The following SMOC1 variants were observed in gnomAD, a reference collection of about 807,000 sequenced individuals.
The protein encoded by SMOC1 is SPARC-related modular calcium-binding protein 1.
Under a neutral mutation model 56.3 loss-of-function variants are expected in SMOC1, and 22 were observed. The observed-to-expected ratio is 0.39, with a 90% CI of 0.28 to 0.56. The LOEUF (loss-of-function observed/expected upper bound fraction) is 0.56. Among genes scored for constraint, SMOC1 ranks in the 20% least tolerant of loss-of-function variants. SMOC1 has a pLI of 0.61. For missense variants in SMOC1, 509 were observed against 565.4 expected, an observed-to-expected ratio of 0.90 and a Z score of 1.01; for synonymous variants, 193 against 215.0, an observed-to-expected ratio of 0.90 and a Z score of 0.89.
chr14:69,952,392 T>A lies in SMOC1; in HGVS notation c.265+89T>A, dbSNP rs73289071. On this transcript the variant is annotated intron_variant, in intron 2 of 11. Coordinates refer to ENST00000361956, the MANE Select transcript of SMOC1 (RefSeq NM_001034852.3). ...GCATTTGCAACAGGGAAGCTTGGAG[T>A]AAGTCTGTCCACTCACTTTGCTTTC... is the stretch of plus-strand genomic sequence containing the variant. The A allele has an allele frequency of 9.3e-4, 1,395 of 1,506,972 alleles. 11 individuals carry two copies. The African/African-American group carries it at 0.017, about 19-fold the overall frequency. The allele number at this position is 1,506,972 out of a possible 1,614,324, so 93.4% of individuals were successfully genotyped here.
chr14:69,945,219 C>T (rs918509019), intron 1 of SMOC1, among the ~76,000 whole-genome samples: 9 of 152,036 alleles, frequency 5.9e-5, no homozygotes, highest in African/African-American at 1.2e-4. Flanking sequence ...CTTTTATAGA[C>T]GTGTAAATAG....
intron 1 of SMOC1, among the ~76,000 whole-genome samples, chr14:69,887,918 G>A (rs1028218059): frequency 6.6e-6 from 1 of 152,184 alleles, no homozygotes; most frequent in Non-Finnish European, 1.5e-5. Context: ...TTTGATGCCT[G>A]TCTTTATTCC....
At chr14:70,022,732 G>A (rs1885774805) in intron 10 of SMOC1, among the ~76,000 whole-genome samples, 1 of 152,180 alleles carries the variant, frequency 6.6e-6, no homozygotes, top group Non-Finnish European at 1.5e-5. Context: ...CACCCTCCAG[G>A]GCCCAGACTG....
rs761131829 is a variant in SMOC1 at position 70,031,098 on chromosome 14, A to G, written c.*840A>G. The G allele has an allele frequency of 6.6e-5, 10 of 152,336 alleles. No individual in the cohort carries two copies. The highest frequency in any genetic ancestry group is 1.3e-4 in the Non-Finnish European group (9 of 68,032). 9.4% of individuals were successfully genotyped at this position (152,336 alleles called of 1,614,324 possible). On this transcript the variant is annotated 3_prime_UTR_variant, in exon 12 of 12. Coordinates refer to ENST00000361956, the MANE Select transcript of SMOC1 (RefSeq NM_001034852.3). Reference sequence around the variant, plus strand: ...AGCAAATTATCCACAAAGGATTTGCATTACGTCACTCGAAACGTTTTCATC... The same window carrying G: ...AGCAAATTATCCACAAAGGATTTGCGTTACGTCACTCGAAACGTTTTCATC...
chr14:70,008,202 T>C (rs969188414), intron 7 of SMOC1, among the ~76,000 whole-genome samples: 1 of 152,138 alleles, frequency 6.6e-6, no homozygotes, highest in Non-Finnish European at 1.5e-5. Flanking sequence ...TGATCATGGC[T>C]CACTGCAGCC....
intron 7 of SMOC1, among the ~76,000 whole-genome samples, chr14:70,003,568 C>A (rs955449910): frequency 6.6e-6 from 1 of 152,138 alleles, no homozygotes; most frequent in African/African-American, 2.4e-5. Flanking sequence ...GTTCTTGGAC[C>A]AAGTACCCTT....
At chr14:69,895,255 C>T (rs1207782649) in intron 1 of SMOC1, among the ~76,000 whole-genome samples, 1 of 152,226 alleles carries the variant, frequency 6.6e-6, no homozygotes, top group African/African-American at 2.4e-5. Context: ...TTCTCATTTC[C>T]TGAAAAGGGG....
At chr14:69,999,696 C>G (rs2139561235) in intron 7 of SMOC1, among the ~76,000 whole-genome samples, 1 of 152,292 alleles carries the variant, frequency 6.6e-6, no homozygotes, top group East Asian at 1.9e-4. Context: ...ATGGCTTTCT[C>G]CATGGCAACA....
At chr14:70,009,106 G>A (rs1389615338) in intron 7 of SMOC1, among the ~76,000 whole-genome samples, 1 of 152,134 alleles carries the variant, frequency 6.6e-6, no homozygotes, top group Non-Finnish European at 1.5e-5. Flanking sequence ...ACTCTGTTTA[G>A]CTTTTCTATA....
intron 3 of SMOC1, among the ~76,000 whole-genome samples, chr14:69,963,261 C>T (rs1883448546): frequency 6.6e-6 from 1 of 151,980 alleles, no homozygotes; most frequent in Non-Finnish European, 1.5e-5. Flanking sequence ...AACCTGTAGC[C>T]TGTGCTGTGG....
Position 70,032,222 on chromosome 14 carries a change from T to C in SMOC1, c.*1964T>C, listed in dbSNP as rs1468088736. ...CATGGAGACGGCGCCTGCCTGTAGA[T>C]GTTTGGATCTTCGAGATCTCCCCAG... On this transcript the variant is annotated 3_prime_UTR_variant, in exon 12 of 12. Transcript: ENST00000361956. The C allele has an allele frequency of 1.3e-5, 2 of 152,298 alleles. No individual in the cohort carries two copies. Among genetic ancestry groups the C allele is most frequent in the Non-Finnish European group, 2.9e-5 (2 of 68,058 alleles). The allele number at this position is 152,298 out of a possible 1,614,324, so 9.4% of individuals were successfully genotyped here.
At chr14:69,891,188 T>A (rs1402081474) in intron 1 of SMOC1, among the ~76,000 whole-genome samples, 1 of 152,198 alleles carries the variant, frequency 6.6e-6, no homozygotes, top group Non-Finnish European at 1.5e-5. Flanking sequence ...GTAAAAAATG[T>A]AAAATAAAAT....
At chr14:69,936,042 C>T (rs1339282842) in intron 1 of SMOC1, among the ~76,000 whole-genome samples, 2 of 152,200 alleles carry the variant, frequency 1.3e-5, no homozygotes, top group Non-Finnish European at 2.9e-5. Context: ...AATGTCCCTC[C>T]ACATCCCTCC....
chr14:69,884,909 A>G (rs1454446782), intron 1 of SMOC1, among the ~76,000 whole-genome samples: 2 of 152,020 alleles, frequency 1.3e-5, no homozygotes, highest in Non-Finnish European at 2.9e-5. Flanking sequence ...TGCTTTGGCT[A>G]TTCAGGGTCT....
rs151268067 is a variant in SMOC1, at chr14:69,929,081, A to C, written c.100-23057A>C. On this transcript the variant is annotated intron_variant, in intron 1 of 11. Transcript: ENST00000361956. ...CCGGGGTTGCAAGCTTGCAAGCTGC[A>C]TAGGAAGAGACCTTCTTGAGGTGGC... Among the ~76,000 whole-genome samples the C allele has an allele frequency of 5.0e-4, 76 of 152,300 alleles. 2 individuals carry two copies. The East Asian group carries it at 0.013, about 26-fold the overall frequency.
At chr14:69,961,382 A>C (rs1412190285) in intron 3 of SMOC1, among the ~76,000 whole-genome samples, 1 of 131,536 alleles carries the variant, frequency 7.6e-6, no homozygotes, top group Non-Finnish European at 1.6e-5. Context: ...TTTTATTTTT[A>C]GTTTTTATTA....
intron 7 of SMOC1, among the ~76,000 whole-genome samples, chr14:69,998,593 AATTTGAC>A (rs1211661890): frequency 6.6e-6 from 1 of 152,138 alleles, no homozygotes; most frequent in Admixed American, 6.5e-5. Flanking sequence ...TCATGTTTCT[AATTTGAC>A]TATGTGCAGG....
intron 11 of SMOC1, among the ~76,000 whole-genome samples, chr14:70,029,560 A>G (rs890812394): frequency 1.2e-4 from 18 of 152,174 alleles, no homozygotes; most frequent in African/African-American, 4.1e-4. Context: ...GCTCTTTCCC[A>G]AGTCTGCTCT....
rs151210791 is a variant in SMOC1 at position 69,918,748 on chromosome 14, CATT to C, written c.100-33380_100-33378del. ...ACCTAGAACCTGGCAAAAAACTTGC[CATT>C]ATTATTATTGTTATTATTCTGAGAG... On this transcript the variant is annotated intron_variant, in intron 1 of 11. Transcript: ENST00000361956. 7.9e-4 allele frequency among the ~76,000 whole-genome samples: 121 copies of C among 152,214 alleles called. 1 individual carries two copies. Among genetic ancestry groups the C allele is most frequent in the African/African-American group, 2.9e-3 (119 of 41,516 alleles).
Sources: allele counts gnomAD v4.1 joint callset (sites outside exome capture counted in the v4.1 genomes callset), GRCh38; gene constraint gnomAD v4.1.1; transcripts MANE v1.5; gene names NCBI Gene and HGNC (gene_info 2026-07-23, HGNC 2026-07-21).